EEA1: variants seen among roughly 807,000 people sequenced by gnomAD.
EEA1 encodes the protein early endosome antigen 1, 162kD.
EEA1 carries 111 observed loss-of-function variants against 209.2 expected under a neutral mutation model. The observed-to-expected ratio is 0.53, with a 90% CI of 0.45 to 0.62. The LOEUF is 0.62. EEA1 is among the 20% of genes least tolerant of loss of function. The probability of loss-of-function intolerance (pLI) is 0.00; values close to 1 mark genes in which losing one functional copy is unlikely to be tolerated. For synonymous variants in EEA1, 536 were observed against 540.6 expected (o/e 0.99, Z 0.12); for missense variants, 1,343 against 1,530.8 (o/e 0.88, Z 2.05).
intron 5 of EEA1, among the ~76,000 whole-genome samples, chr12:92,856,767 CTTTTTTTTTTTTT>C (rs57579359): frequency 8.1e-4 from 70 of 86,684 alleles, no homozygotes; most frequent in African/African-American, 3.1e-3. Context: ...ATACCTGATT[CTTTTTTTTTTTTT>C]TTTTTTTTTG....
In EEA1 at chr12:92,798,997, C is replaced by T. The variant is rs1874777083; in HGVS notation, c.2862G>A (p.Glu954=). The change falls in exon 21 of 29, where the codon GAG becomes GAA. Residue 954 remains glutamate (E), a synonymous_variant. Coordinates refer to ENST00000322349, the MANE Select transcript of EEA1 (RefSeq NM_003566.4). ...QNTLKQNEKE[E]QQLQGNINEL... is the part of the protein sequence containing the mutation. The stretch of plus-strand genomic sequence containing the variant: ...CATTTATGTTCCCCTGAAGTTGTTG[C>T]TCTTCTTTTTCATTTTGTTTTAAAG... The T allele has an allele frequency of 6.2e-7, 1 of 1,613,164 alleles. No individual in the cohort carries two copies. Among genetic ancestry groups the T allele is most frequent in the Non-Finnish European group, 8.5e-7 (1 of 1,179,634 alleles).
chr12:92,923,335 G>A (rs547328735), intron 1 of EEA1, among the ~76,000 whole-genome samples: 177 of 152,200 alleles, frequency 1.2e-3, no homozygotes, highest in Middle Eastern at 0.01. Flanking sequence ...GCGACAGAGC[G>A]AGACTCCGTC....
In EEA1 at chr12:92,865,878, G is replaced by A. The variant is rs1592745616; in HGVS notation, c.118-891C>T. On this transcript the variant is annotated intron_variant, in intron 2 of 28. Transcript: ENST00000322349. ...TTTCCCTGCCTCAGCCTCCCGAGGA[G>A]CTGGGATTACAGGCACCCGCCACCA... 2.6e-5 allele frequency among the ~76,000 whole-genome samples: 4 copies of A among 151,962 alleles called. 1 individual carries two copies. The highest frequency in any genetic ancestry group is 2.6e-4 in the Admixed American group (4 of 15,254).
intron 2 of EEA1, among the ~76,000 whole-genome samples, chr12:92,887,319 C>T (rs1044917454): frequency 1.4e-5 from 2 of 145,260 alleles, no homozygotes; most frequent in African/African-American, 2.6e-5. Context: ...AGATGGAGAC[C>T]CCATCTCAAA....
At chr12:92,869,751 TCA>T (rs1878551449) in intron 2 of EEA1, among the ~76,000 whole-genome samples, 1 of 16,224 alleles carries the variant, frequency 6.2e-5, no homozygotes, top group African/African-American at 2.2e-4. Context: ...AGATTCTGCC[TCA>T]AAAAAAAAAA....
In EEA1 at chr12:92,929,135, G is replaced by A; in HGVS notation, c.-69C>T. The A allele has an allele frequency of 6.6e-7, 1 of 1,507,504 alleles. No individual in the cohort carries two copies. The highest frequency in any genetic ancestry group is 9.0e-7 in the Non-Finnish European group (1 of 1,115,052). 93.4% of individuals were successfully genotyped at this position (1,507,504 alleles called of 1,614,324 possible). A position where few individuals can be genotyped will look rare whatever the true frequency, so the allele number is the denominator to read the frequency against. On this transcript the variant is annotated 5_prime_UTR_variant, in exon 1 of 29. Transcript: ENST00000322349. ...CTGCGCGGGGCCACTCACTACTCGG[G>A]GTGCGCGGGCGGGAGGGACTGGGCC...
At chr12:92,808,440 ATAGAC>A (rs1158215846) in intron 18 of EEA1, among the ~76,000 whole-genome samples, 1 of 151,514 alleles carries the variant, frequency 6.6e-6, no homozygotes, top group Non-Finnish European at 1.5e-5. Context: ...CTTCATAAAC[ATAGAC>A]AATCTGCCAA....
chr12:92,772,640 A>T lies in EEA1; in HGVS notation c.*3371T>A, dbSNP rs975022374. On this transcript the variant is annotated 3_prime_UTR_variant, in exon 29 of 29. Transcript: ENST00000322349. ...ACGTACTTTATCAGTTACATTTATA[A>T]TTAATAACCTTCCAATCACTGAGTT... is the stretch of plus-strand genomic sequence containing the variant. The T allele has an allele frequency of 2.0e-5, 3 of 152,304 alleles. No individual in the cohort carries two copies. The East Asian group carries it at 5.8e-4, about 29-fold the overall frequency. 9.4% of individuals were successfully genotyped at this position (152,304 alleles called of 1,614,324 possible). A position where few individuals can be genotyped will look rare whatever the true frequency, so the allele number is the denominator to read the frequency against.
At chr12:92,886,230 G>C (rs1399685457) in intron 2 of EEA1, among the ~76,000 whole-genome samples, 1 of 149,156 alleles carries the variant, frequency 6.7e-6, no homozygotes, top group African/African-American at 2.5e-5. Context: ...AGCTGGACAT[G>C]GTGGCACATG....
intron 2 of EEA1, among the ~76,000 whole-genome samples, chr12:92,880,743 G>A (rs1212203196): frequency 2.6e-5 from 4 of 152,154 alleles, no homozygotes; most frequent in Non-Finnish European, 4.4e-5. Flanking sequence ...CCAAAGTGCT[G>A]GGATTACAAG....
intron 1 of EEA1, among the ~76,000 whole-genome samples, chr12:92,925,851 C>G (rs12306436): frequency 0.55 from 84,281 of 151,992 alleles, 25,104 homozygotes; most frequent in African/African-American, 0.74. Context: ...GATGTTCAAA[C>G]ACTTTGAGTT....
chr12:92,809,392 A>C (rs1875377058), intron 17 of EEA1, among the ~76,000 whole-genome samples: 1 of 151,854 alleles, frequency 6.6e-6, no homozygotes, highest in African/African-American at 2.4e-5. Context: ...TTGGTGTTTA[A>C]AATTAATTCT....
intron 25 of EEA1, among the ~76,000 whole-genome samples, chr12:92,778,412 A>T (rs1243606440): frequency 6.6e-6 from 1 of 152,026 alleles, no homozygotes; most frequent in Non-Finnish European, 1.5e-5. Context: ...TGGTGAGCTA[A>T]AGTGACACAA....
At chr12:92,900,217 G>A (rs915876739) in intron 1 of EEA1, among the ~76,000 whole-genome samples, 3 of 152,132 alleles carry the variant, frequency 2.0e-5, no homozygotes, top group African/African-American at 7.2e-5. Flanking sequence ...ACTGATACAG[G>A]AGATATACTC....
intron 9 of EEA1, among the ~76,000 whole-genome samples, chr12:92,845,129 TACA>T (rs1407915031): frequency 1.3e-5 from 2 of 152,126 alleles, no homozygotes; most frequent in African/African-American, 2.4e-5. Context: ...TTACACTTTG[TACA>T]ACAAATTTGG....
chr12:92,780,152 G>T, intron 24 of EEA1, 128 bp downstream of exon 24: 1 of 983,976 alleles, frequency 1.0e-6, no homozygotes, highest in Non-Finnish European at 1.4e-6. Flanking sequence ...GTATTTGTCA[G>T]AAACAACAGA....
At chr12:92,806,062 G>A (rs1445145354) in intron 18 of EEA1, among the ~76,000 whole-genome samples, 1 of 151,320 alleles carries the variant, frequency 6.6e-6, no homozygotes, top group East Asian at 1.9e-4. Flanking sequence ...GTGAAAAGTG[G>A]GTAACTGAAA....
intron 2 of EEA1, among the ~76,000 whole-genome samples, chr12:92,878,827 C>A (rs748769164): frequency 4.6e-5 from 7 of 152,152 alleles, no homozygotes; most frequent in Non-Finnish European, 1.0e-4. Context: ...ATGCTATAGA[C>A]ATTTATGCCA....
intron 9 of EEA1, among the ~76,000 whole-genome samples, chr12:92,846,272 A>C (rs1877384722): frequency 6.6e-6 from 1 of 152,190 alleles, no homozygotes; most frequent in Non-Finnish European, 1.5e-5. Flanking sequence ...CTCAAGTTTA[A>C]GCATCTCCAT....
Sources: gnomAD v4.1 joint callset for allele counts (sites outside exome capture counted in the v4.1 genomes callset) on GRCh38, gnomAD v4.1.1 for gene constraint, MANE v1.5 for transcripts, NCBI Gene and HGNC (gene_info 2026-07-23, HGNC 2026-07-21) for gene names.